Variants in HUWE1 observed in about 807,000 individuals in gnomAD.
The protein encoded by HUWE1 is E3 ubiquitin-protein ligase HUWE1.
A neutral mutation model predicts 299.4 loss-of-function variants in HUWE1; 18 were observed. The ratio of observed to expected loss-of-function variants is 0.06; its 90% CI spans 0.04 to 0.09. The LOEUF is 0.09. Among genes scored for constraint, HUWE1 ranks in the 10% least tolerant of loss-of-function variants. The probability of loss-of-function intolerance (pLI) is 1.00; values close to 1 mark genes in which losing one functional copy is unlikely to be tolerated. For synonymous variants in HUWE1, 1,317 were observed against 1,286.1 expected, an observed-to-expected ratio of 1.02 and a Z score of -0.51; for missense variants, 1,832 against 3,462.3, an observed-to-expected ratio of 0.53 and a Z score of 11.82.
At chrX:53,666,668 T>C (rs1569514180) in intron 3 of HUWE1, among the ~76,000 whole-genome samples, 1 of 110,899 alleles carries the variant, frequency 9.0e-6, no homozygotes, top group Non-Finnish European at 1.9e-5. Context: ...GCTATGATAT[T>C]ACATAATATT....
intron 23 of HUWE1, among the ~76,000 whole-genome samples, chrX:53,610,571 T>G (rs2065396462): frequency 8.9e-6 from 1 of 111,790 alleles, no homozygotes; most frequent in African/African-American, 3.3e-5. Context: ...GTATTTATGG[T>G]GGTGGAGCCC....
At position 53,592,395 on chromosome X, in the gene HUWE1, T is replaced by G; in HGVS notation, c.3972+3A>C. The G allele has an allele frequency of 8.4e-7, 1 of 1,191,590 alleles. No homozygotes were observed. Among genetic ancestry groups the G allele is most frequent in the South Asian group, 1.8e-5 (1 of 56,502 alleles). ...ACCCTGGAGTGTGAGGCCAGTACCC[T>G]ACCTGTTGCAGTTGTTGCTGGTTGA... On this transcript the variant is annotated splice_donor_region_variant and intron_variant, in intron 33 of 83. Transcript: ENST00000262854.
At chrX:53,616,825 T>C (rs2065831240) in intron 21 of HUWE1, 145 bp downstream of exon 21, 1 of 486,571 alleles carries the variant, frequency 2.1e-6, no homozygotes, top group African/African-American at 2.4e-5. Context: ...GAAGTATTCC[T>C]TCTGAAGTAT....
At chrX:53,600,862 C>T (rs1426674846) in intron 28 of HUWE1, among the ~76,000 whole-genome samples, 1 of 112,372 alleles carries the variant, frequency 8.9e-6, no homozygotes, top group East Asian at 2.8e-4. Flanking sequence ...TGTGGAGAAG[C>T]TGAGTCGTTT....
intron 3 of HUWE1, among the ~76,000 whole-genome samples, chrX:53,661,606 G>T (rs1216955808): frequency 9.0e-6 from 1 of 111,655 alleles, no homozygotes; most frequent in Admixed American, 9.5e-5. Flanking sequence ...AAGTTAGTTT[G>T]AAACAAATTC....
At position 53,628,890 on chromosome X, in the gene HUWE1, C is replaced by G; in HGVS notation, c.976G>C (p.Ala326Pro). The G allele has an allele frequency of 8.3e-7, 1 of 1,201,044 alleles. No individual in the cohort carries two copies. The highest frequency in any genetic ancestry group is 1.1e-6 in the Non-Finnish European group (1 of 886,304). The change falls in exon 14 of 84, where the codon GCT becomes CCT. Residue 326 changes from alanine (A) to proline (P), a missense_variant. Coordinates refer to ENST00000262854, the MANE Select transcript of HUWE1 (RefSeq NM_031407.7). ...ATTGATGTTAATGTTCGTAAAGAAG[C>G]TGCTTTAATCTCCTATTAAATTAGA... ...TDKQLMEIKA[A>P]SLRTLTSIVH...
chrX:53,669,114 T>C (rs782309030), intron 3 of HUWE1, among the ~76,000 whole-genome samples: 1 of 112,636 alleles, frequency 8.9e-6, no homozygotes, highest in South Asian at 3.7e-4. Context: ...GAGCAAGTTA[T>C]TTATAGCAAT....
intron 4 of HUWE1, 96 bp downstream of exon 4, chrX:53,653,967 G>A (rs1445363771): frequency 3.3e-6 from 2 of 600,211 alleles, no homozygotes; most frequent in Non-Finnish European, 5.4e-6. Flanking sequence ...GTATATATGG[G>A]TGATGAGATT....
intron 48 of HUWE1, 123 bp downstream of exon 48, chrX:53,569,493 C>T: frequency 1.6e-6 from 1 of 632,163 alleles, no homozygotes; most frequent in Non-Finnish European, 2.6e-6. Flanking sequence ...TTTGAGCGGA[C>T]CAGAGAGTAT....
chrX:53,685,840 C>T (rs143431605), intron 2 of HUWE1, among the ~76,000 whole-genome samples: 1 of 112,116 alleles, frequency 8.9e-6, no homozygotes, highest in African/African-American at 3.2e-5. Context: ...AATACTCATA[C>T]ATGGCATGAT....
intron 25 of HUWE1, among the ~76,000 whole-genome samples, chrX:53,606,574 C>G (rs1556996874): frequency 9.0e-6 from 1 of 111,661 alleles, no homozygotes; most frequent in East Asian, 2.8e-4. Flanking sequence ...AGAAAGCAAC[C>G]CAAGTGTCAA....
At chrX:53,666,258 G>A (rs1218526792) in intron 3 of HUWE1, among the ~76,000 whole-genome samples, 1 of 110,592 alleles carries the variant, frequency 9.0e-6, no homozygotes. Context: ...AGGTGATTTG[G>A]CAGCACAGGC....
chrX:53,656,894 T>C (rs1349971493), intron 3 of HUWE1, among the ~76,000 whole-genome samples: 1 of 110,105 alleles, frequency 9.1e-6, no homozygotes, highest in Non-Finnish European at 1.9e-5. Context: ...CATACAAATA[T>C]GCCCAACTGA....
intron 54 of HUWE1, 61 bp downstream of exon 54, chrX:53,562,050 G>C (rs1186964004): frequency 7.4e-6 from 9 of 1,208,760 alleles, no homozygotes; most frequent in Non-Finnish European, 1.0e-5. Context: ...TTGGTTTTCT[G>C]CAGCTCTATG....
chrX:53,573,879 G>T lies in HUWE1; in HGVS notation c.6183C>A (p.Gly2061=). Residue 2061 remains glycine (G), a synonymous_variant, in exon 47 of 84, where the codon GGC becomes GGA. Coordinates refer to ENST00000262854, the MANE Select transcript of HUWE1 (RefSeq NM_031407.7). ...ASEEGKQKGK[G]SKPLMPTSTI... ...TGGAGGTAGGCATTAAAGGTTTGCT[G>T]CCCTTGCCTTTCTGTTTGCCTTCCT... 1 of 1,211,140 alleles carries T rather than the reference G, an allele frequency of 8.3e-7. No homozygotes were observed. The highest frequency in any genetic ancestry group is 1.1e-6 in the Non-Finnish European group (1 of 894,848).
At chrX:53,655,333 T>C (rs1242801340) in intron 3 of HUWE1, among the ~76,000 whole-genome samples, 1 of 111,161 alleles carries the variant, frequency 9.0e-6, no homozygotes, top group Non-Finnish European at 1.9e-5. Flanking sequence ...CTCAGTACTA[T>C]GGAAATAGCG....
rs1204862205 is a variant in HUWE1, at chrX:53,611,188, T to TAAA, written c.2262-2282_2262-2280dup. Among the ~76,000 whole-genome samples, 363 of 60,767 alleles carry TAAA rather than the reference T, an allele frequency of 6.0e-3. 5 individuals carry two copies. Among genetic ancestry groups the TAAA allele is most frequent in the African/African-American group, 0.021 (328 of 15,460 alleles). 52.8% of individuals were successfully genotyped at this position (60,767 alleles called of 115,157 possible). A position where few individuals can be genotyped will look rare whatever the true frequency, so the allele number is the denominator to read the frequency against. Reference sequence around the variant, plus strand: ...TTGCAAATACTAGCTGCTGATTTTGTAAAAAAAAAAAAAAAAAAAAAGAAA... The same window carrying TAAA: ...TTGCAAATACTAGCTGCTGATTTTGTAAAAAAAAAAAAAAAAAAAAAAAAGAAA... On this transcript the variant is annotated intron_variant, in intron 23 of 83. Transcript: ENST00000262854.
At position 53,585,173 on chromosome X, in the gene HUWE1, T is replaced by C; in HGVS notation, c.4840A>G (p.Ser1614Gly). Residue 1614 changes from serine to glycine, a missense_variant, in exon 40 of 84, where the codon AGC (serine) becomes GGC (glycine). Ser to Gly is a moderately conservative substitution (Grantham distance 56). Transcript: ENST00000262854. ...AQMTKYLQSN[S>G]NNWRWFDDRS... is the part of the protein sequence containing the mutation. ...TCATCAAACCAGCGCCAGTTGTTGC[T>C]GTTGGATTGCAGGTACTAAACATAA... The C allele has an allele frequency of 1.6e-6, 2 of 1,212,139 alleles. No individual in the cohort carries two copies. Among genetic ancestry groups the C allele is most frequent in the Non-Finnish European group, 2.2e-6 (2 of 895,457 alleles).
At chrX:53,668,622 TA>T (rs1288982315) in intron 3 of HUWE1, among the ~76,000 whole-genome samples, 1 of 111,375 alleles carries the variant, frequency 9.0e-6, no homozygotes, top group Non-Finnish European at 1.9e-5. Flanking sequence ...GTCACCTCTG[TA>T]AAATAAACAA....
Sources: gnomAD v4.1 joint callset for allele counts (sites outside exome capture counted in the v4.1 genomes callset) on GRCh38, gnomAD v4.1.1 for gene constraint, MANE v1.5 for transcripts, NCBI Gene and HGNC (gene_info 2026-07-23, HGNC 2026-07-21) for gene names.